PARD3: variants seen among roughly 807,000 people sequenced by gnomAD.
PARD3 encodes the protein partitioning defective 3 homolog.
A neutral mutation model predicts 155.4 loss-of-function variants in PARD3; 75 were observed. The ratio of observed to expected loss-of-function variants is 0.48; its 90% CI spans 0.40 to 0.58. The LOEUF is 0.58. Among genes scored for constraint, PARD3 ranks in the 20% least tolerant of loss-of-function variants. The probability of loss-of-function intolerance (pLI) is 0.00; values close to 1 mark genes in which losing one functional copy is unlikely to be tolerated. For synonymous variants in PARD3, 576 were observed against 610.5 expected, an observed-to-expected ratio of 0.94 and a Z score of 0.83; for missense variants, 1,642 against 1,721.7, an observed-to-expected ratio of 0.95 and a Z score of 0.82.
intron 5 of PARD3, among the ~76,000 whole-genome samples, chr10:34,410,805 T>C (rs754879959): frequency 1.3e-5 from 2 of 152,158 alleles, no homozygotes; most frequent in African/African-American, 4.8e-5. Flanking sequence ...ACAGAGACAG[T>C]GTCTCCCTCC....
intron 19 of PARD3, among the ~76,000 whole-genome samples, chr10:34,318,272 C>T (rs1308498435): frequency 1.3e-5 from 2 of 152,176 alleles, no homozygotes; most frequent in African/African-American, 2.4e-5. Context: ...GTATGAACAT[C>T]CACTCTCAGA....
chr10:34,380,817 G>A (rs752597263), intron 9 of PARD3, among the ~76,000 whole-genome samples: 3 of 152,110 alleles, frequency 2.0e-5, no homozygotes, highest in Non-Finnish European at 4.4e-5. Context: ...TATGACAATG[G>A]TGAAGCAAAA....
At chr10:34,273,801 A>G (rs191041814) in intron 21 of PARD3, among the ~76,000 whole-genome samples, 1 of 152,260 alleles carries the variant, frequency 6.6e-6, no homozygotes, top group East Asian at 1.9e-4. Flanking sequence ...TCTTTCTTGT[A>G]TCTAGTGTAT....
intron 1 of PARD3, among the ~76,000 whole-genome samples, chr10:34,713,499 T>G (rs1312583216): frequency 6.6e-6 from 1 of 152,012 alleles, no homozygotes; most frequent in Non-Finnish European, 1.5e-5. Context: ...GGCTCACACC[T>G]GTAATCCCAG....
chr10:34,791,043 AAAGAC>A (rs1364671706), intron 1 of PARD3, among the ~76,000 whole-genome samples: 1 of 152,232 alleles, frequency 6.6e-6, no homozygotes, highest in Admixed American at 6.5e-5. Context: ...ACTTGGAAAA[AAAGAC>A]AAGTGCAGCC....
Position 34,119,595 on chromosome 10 carries a change from G to A in PARD3, c.3668+18C>T, listed in dbSNP as rs763826115. On this transcript the variant is annotated intron_variant, in intron 24 of 24. Transcript: ENST00000374788. ...AAGGGCCGGGGGGATCTGGAGGCTC[G>A]GCCAAGCGTCCTCATACCGAGGCAG... 1.6e-5 allele frequency: 25 copies of A among 1,581,778 alleles called. No homozygotes were observed. The highest frequency in any genetic ancestry group is 1.7e-4 in the Middle Eastern group (1 of 5,940).
intron 5 of PARD3, among the ~76,000 whole-genome samples, chr10:34,443,080 T>C (rs1478738240): frequency 6.6e-6 from 1 of 152,066 alleles, no homozygotes; most frequent in Non-Finnish European, 1.5e-5. Flanking sequence ...TGGTAAGTCG[T>C]GTGGACACAG....
intron 2 of PARD3, among the ~76,000 whole-genome samples, chr10:34,584,806 T>C (rs1322812408): frequency 2.0e-5 from 3 of 152,192 alleles, no homozygotes; most frequent in Admixed American, 6.5e-5. Flanking sequence ...CCAAGATTAC[T>C]GTTTGATATG....
chr10:34,674,580 G>A (rs926462450), intron 2 of PARD3, among the ~76,000 whole-genome samples: 4 of 146,958 alleles, frequency 2.7e-5, no homozygotes, highest in Middle Eastern at 3.8e-3. Context: ...TCCGTCTCCC[G>A]GGTTCAAGCG....
At chr10:34,588,235 T>C (rs1020778551) in intron 2 of PARD3, among the ~76,000 whole-genome samples, 1 of 152,186 alleles carries the variant, frequency 6.6e-6, no homozygotes, top group Non-Finnish European at 1.5e-5. Flanking sequence ...CATCTTAGCA[T>C]ATGTCCTGTT....
At chr10:34,235,186 A>G (rs952395840) in intron 22 of PARD3, among the ~76,000 whole-genome samples, 13 of 152,190 alleles carry the variant, frequency 8.5e-5, no homozygotes, top group Non-Finnish European at 1.8e-4. Context: ...TATTTTCTTC[A>G]TTCATTTTTT....
intron 3 of PARD3, among the ~76,000 whole-genome samples, chr10:34,502,591 CACAG>C (rs1349099922): frequency 6.6e-6 from 1 of 152,054 alleles, no homozygotes; most frequent in Non-Finnish European, 1.5e-5. Flanking sequence ...GACACACACA[CACAG>C]ACACTCAGAA....
chr10:34,113,195 A>G (rs534158665), intron 24 of PARD3, among the ~76,000 whole-genome samples: 6 of 151,986 alleles, frequency 3.9e-5, no homozygotes, highest in South Asian at 2.1e-4. Flanking sequence ...CCTCTTTTTC[A>G]TCTCTGGCCT....
intron 2 of PARD3, among the ~76,000 whole-genome samples, chr10:34,538,689 G>A (rs772632077): frequency 9.2e-5 from 14 of 152,180 alleles, no homozygotes; most frequent in Non-Finnish European, 1.8e-4. Flanking sequence ...GAGGCCAGAC[G>A]AGCTGGGCAG....
chr10:34,113,629 G>C (rs1233587868), intron 24 of PARD3, among the ~76,000 whole-genome samples: 1 of 152,018 alleles, frequency 6.6e-6, no homozygotes, highest in Non-Finnish European at 1.5e-5. Context: ...CAATTGTAGA[G>C]ACCAAGGGAA....
chr10:34,374,840 T>C (rs1237214146), intron 11 of PARD3, 34 bp downstream of exon 11: 15 of 1,606,434 alleles, frequency 9.3e-6, no homozygotes, highest in Non-Finnish European at 1.3e-5. Context: ...CTGCTGCATA[T>C]CAGAAATCTT....
intron 22 of PARD3, among the ~76,000 whole-genome samples, chr10:34,194,514 G>T (rs1950852924): frequency 6.6e-6 from 1 of 151,896 alleles, no homozygotes; most frequent in Non-Finnish European, 1.5e-5. Flanking sequence ...AAACAAATTA[G>T]GGAATTTATG....
intron 1 of PARD3, among the ~76,000 whole-genome samples, chr10:34,742,308 T>C (rs2095033563): frequency 1.3e-5 from 2 of 152,192 alleles, no homozygotes; most frequent in African/African-American, 4.8e-5. Context: ...AAAATCTCAG[T>C]AGTCACGATA....
intron 2 of PARD3, among the ~76,000 whole-genome samples, chr10:34,624,576 C>A (rs2091885513): frequency 6.6e-6 from 1 of 152,192 alleles, no homozygotes; most frequent in Non-Finnish European, 1.5e-5. Flanking sequence ...CAGTAAGACC[C>A]AATGTCAGGC....
Sources: gnomAD v4.1 joint callset for allele counts (sites outside exome capture counted in the v4.1 genomes callset) on GRCh38, gnomAD v4.1.1 for gene constraint, MANE v1.5 for transcripts, NCBI Gene and HGNC (gene_info 2026-07-23, HGNC 2026-07-21) for gene names.